Variants in SLC24A2 observed in about 807,000 individuals in gnomAD.
The protein encoded by SLC24A2 is sodium/potassium/calcium exchanger 2.
A neutral mutation model predicts 62.0 loss-of-function variants in SLC24A2; 36 were observed. The observed-to-expected ratio is 0.58, with a 90% CI of 0.44 to 0.77. SLC24A2 has a LOEUF of 0.77. SLC24A2 is among the 30% of genes least tolerant of loss of function. The pLI, the probability that SLC24A2 is intolerant of heterozygous loss-of-function variation, is 0.00. For synonymous variants in SLC24A2, 358 were observed against 294.0 expected, an observed-to-expected ratio of 1.22 and a Z score of -2.23; for missense variants, 846 against 817.9, an observed-to-expected ratio of 1.03 and a Z score of -0.42.
chr9:20,218,835 T>C, the SLC24A2 span, among the ~76,000 whole-genome samples: 11 of 152,162 alleles, frequency 7.2e-5, no homozygotes, highest in Admixed American at 5.9e-4. Flanking sequence ...CAAGCTTAGC[T>C]GGATTCTCCA....
chr9:19,716,383 A>G (rs1281359895), intron 2 of SLC24A2, among the ~76,000 whole-genome samples: 1 of 152,208 alleles, frequency 6.6e-6, no homozygotes, highest in Non-Finnish European at 1.5e-5. Flanking sequence ...TGGGCTTACT[A>G]TGTGCCAGGA....
At chr9:20,118,154 T>C in the SLC24A2 span, among the ~76,000 whole-genome samples, 3 of 152,100 alleles carry the variant, frequency 2.0e-5, no homozygotes, top group Non-Finnish European at 4.4e-5. Flanking sequence ...AGGCGACTTA[T>C]CTACCCCTGT....
the SLC24A2 span, among the ~76,000 whole-genome samples, chr9:19,857,449 C>T: frequency 1.3e-5 from 2 of 152,256 alleles, no homozygotes; most frequent in South Asian, 4.1e-4. Flanking sequence ...TTTTGAGGGC[C>T]ATTATTCAGT....
chr9:20,238,654 T>A, the SLC24A2 span, among the ~76,000 whole-genome samples: 1 of 152,242 alleles, frequency 6.6e-6, no homozygotes, highest in African/African-American at 2.4e-5. Context: ...CTTCTAGCAC[T>A]GTGAGGGGCC....
the SLC24A2 span, among the ~76,000 whole-genome samples, chr9:20,219,242 G>A: frequency 2.0e-5 from 3 of 152,126 alleles, no homozygotes; most frequent in Non-Finnish European, 4.4e-5. Context: ...ATGAGCTGAG[G>A]GAGGACTCAC....
the SLC24A2 span, among the ~76,000 whole-genome samples, chr9:19,823,407 T>TTTCTAAATA: frequency 1.3e-5 from 2 of 152,080 alleles, no homozygotes; most frequent in African/African-American, 4.8e-5. Flanking sequence ...TATTTCAGCT[T>TTTCTAAATA]GTGTTTTCTA....
the SLC24A2 span, among the ~76,000 whole-genome samples, chr9:19,904,980 A>T: frequency 6.6e-6 from 1 of 152,190 alleles, no homozygotes; most frequent in East Asian, 1.9e-4. Flanking sequence ...AGGAAAAAGG[A>T]AAAGGATCAC....
chr9:20,233,344 T>C, the SLC24A2 span, among the ~76,000 whole-genome samples: 1 of 152,134 alleles, frequency 6.6e-6, no homozygotes, highest in Non-Finnish European at 1.5e-5. Flanking sequence ...TCTCCCATTA[T>C]TATTGTGTGG....
chr9:19,530,838 G>A (rs1254116450), intron 8 of SLC24A2, among the ~76,000 whole-genome samples: 4 of 152,126 alleles, frequency 2.6e-5, no homozygotes, highest in Non-Finnish European at 4.4e-5. Flanking sequence ...GGTAGATAAA[G>A]TCTGAGAACT....
chr9:20,180,675 T>C, the SLC24A2 span, among the ~76,000 whole-genome samples: 1 of 152,170 alleles, frequency 6.6e-6, no homozygotes, highest in Non-Finnish European at 1.5e-5. Flanking sequence ...GACTTGGGCA[T>C]AAGTTTTGCT....
chr9:19,683,844 G>A (rs1205548338), intron 2 of SLC24A2, among the ~76,000 whole-genome samples: 1 of 152,034 alleles, frequency 6.6e-6, no homozygotes, highest in Non-Finnish European at 1.5e-5. Flanking sequence ...TGATTTCATG[G>A]TTACCGGTCC....
chr9:20,232,905 C>G, the SLC24A2 span, among the ~76,000 whole-genome samples: 1 of 152,092 alleles, frequency 6.6e-6, no homozygotes, highest in Non-Finnish European at 1.5e-5. Context: ...GAATGTGTCC[C>G]AGAGATTCTG....
At chr9:20,123,748 C>T in the SLC24A2 span, among the ~76,000 whole-genome samples, 19 of 152,110 alleles carry the variant, frequency 1.2e-4, no homozygotes, top group Non-Finnish European at 2.6e-4. Flanking sequence ...AGTAACAATG[C>T]TTTAATTATT....
the SLC24A2 span, among the ~76,000 whole-genome samples, chr9:20,088,792 A>G: frequency 6.6e-6 from 1 of 151,524 alleles, no homozygotes; most frequent in African/African-American, 2.4e-5. Flanking sequence ...CAGCCTCCCC[A>G]ACTGGTGTGT....
chr9:19,535,832 T>C (rs937482979), intron 8 of SLC24A2, among the ~76,000 whole-genome samples: 2 of 152,216 alleles, frequency 1.3e-5, no homozygotes, highest in African/African-American at 4.8e-5. Flanking sequence ...ACAGGCTCTT[T>C]TTTGGTTCCA....
the SLC24A2 span, among the ~76,000 whole-genome samples, chr9:20,298,808 G>A: frequency 6.6e-6 from 1 of 152,244 alleles, no homozygotes; most frequent in African/African-American, 2.4e-5. Context: ...AGCAGCAGGA[G>A]AGAGGTAAAA....
intron 2 of SLC24A2, among the ~76,000 whole-genome samples, chr9:19,725,046 G>T (rs1821131306): frequency 6.6e-6 from 1 of 152,136 alleles, no homozygotes; most frequent in Non-Finnish European, 1.5e-5. Context: ...GTCTTATACT[G>T]TAGTTATATT....
the SLC24A2 span, among the ~76,000 whole-genome samples, chr9:20,171,437 A>G: frequency 6.6e-6 from 1 of 152,074 alleles, no homozygotes; most frequent in African/African-American, 2.4e-5. Flanking sequence ...ATGGATAAGA[A>G]TTCACCAACC....
In SLC24A2 at chr9:19,520,874, G is replaced by C; in HGVS notation, c.1736+20C>G. On this transcript the variant is annotated intron_variant, in intron 10 of 10. Coordinates refer to ENST00000341998, the MANE Select transcript of SLC24A2 (RefSeq NM_020344.4). ...ACTGGTGGAGCTGGTGCACACCTTT[G>C]TAGAACTACCTCTACTCACCCTACA... is the stretch of plus-strand genomic sequence containing the variant. The C allele has an allele frequency of 1.2e-6, 2 of 1,612,674 alleles. No individual in the cohort carries two copies. Among genetic ancestry groups the C allele is most frequent in the Non-Finnish European group, 1.7e-6 (2 of 1,178,888 alleles).
Sources: gnomAD v4.1 joint callset for allele counts (sites outside exome capture counted in the v4.1 genomes callset) on GRCh38, gnomAD v4.1.1 for gene constraint, MANE v1.5 for transcripts, NCBI Gene and HGNC (gene_info 2026-07-23, HGNC 2026-07-21) for gene names.